CACNA1E: variants seen among roughly 807,000 people sequenced by gnomAD.
CACNA1E encodes calcium voltage-gated channel subunit alpha1 E.
A neutral mutation model predicts 259.2 loss-of-function variants in CACNA1E; 40 were observed. That is an observed-to-expected ratio of 0.15 (90% confidence interval 0.12 to 0.20). CACNA1E has a LOEUF of 0.20. Ranked by LOEUF, CACNA1E falls within the 10% of genes least tolerant of loss-of-function variation. The probability of loss-of-function intolerance (pLI) is 1.00; values close to 1 mark genes in which losing one functional copy is unlikely to be tolerated. For missense variants in CACNA1E, 1,874 were observed against 3,040.1 expected (o/e 0.62, Z 9.02); for synonymous variants, 1,104 against 1,138.5 (o/e 0.97, Z 0.61).
chr1:181,783,745 G>T lies in CACNA1E; in HGVS notation c.5431G>T (p.Ala1811Ser), dbSNP rs1660625333. Residue 1811 changes from alanine (A) to serine (S), a missense_variant, in exon 40 of 48, where the codon GCT becomes TCT. Physicochemically the swap from Ala to Ser is moderately conservative, Grantham distance 99. Coordinates refer to ENST00000367573, the MANE Select transcript of CACNA1E (RefSeq NM_001205293.3). ...MTVHFTSTLM[A>S]LIRTALDIKI... ...GGTCCACTTCACCTCCACACTTATG[G>T]CTCTGATCCGGACAGCTCTGGACAT... The T allele has an allele frequency of 6.2e-7, 1 of 1,612,218 alleles. No individual in the cohort carries two copies. The highest frequency in any genetic ancestry group is 1.3e-5 in the African/African-American group (1 of 74,284).
At chr1:181,493,374 T>A (rs1338100610) in intron 1 of CACNA1E, among the ~76,000 whole-genome samples, 1 of 152,146 alleles carries the variant, frequency 6.6e-6, no homozygotes, top group African/African-American at 2.4e-5. Context: ...ACACAAACAT[T>A]CTAACCAAAG....
intron 1 of CACNA1E, among the ~76,000 whole-genome samples, chr1:181,350,284 C>T (rs1338427651): frequency 2.0e-5 from 3 of 152,210 alleles, no homozygotes; most frequent in South Asian, 2.1e-4. Context: ...GTGGAGCCTT[C>T]GCGGAGGATG....
At chr1:181,338,164 C>A (rs1651863199) in intron 1 of CACNA1E, among the ~76,000 whole-genome samples, 1 of 152,194 alleles carries the variant, frequency 6.6e-6, no homozygotes, top group African/African-American at 2.4e-5. Context: ...TGGCTCACTG[C>A]AACCTCTGCC....
chr1:181,690,919 T>C (rs1270532787), intron 7 of CACNA1E, among the ~76,000 whole-genome samples: 1 of 152,072 alleles, frequency 6.6e-6, no homozygotes, highest in Non-Finnish European at 1.5e-5. Flanking sequence ...TTAAAGACTT[T>C]ATCTTGGTGT....
rs185619737 is a variant in CACNA1E at position 181,712,868 on chromosome 1, A to G, written c.1171+1799A>G. 5.1e-4 allele frequency among the ~76,000 whole-genome samples: 78 copies of G among 152,056 alleles called. 1 individual carries two copies. Among genetic ancestry groups the G allele is most frequent in the African/African-American group, 1.8e-3 (74 of 41,490 alleles). ...GAGCCCGCCCAGCCTTGGCCACCCC[A>G]CACAGGTCAGGTGGCAGGGTATGCT... On this transcript the variant is annotated intron_variant, in intron 8 of 47. Coordinates refer to ENST00000367573, the MANE Select transcript of CACNA1E (RefSeq NM_001205293.3).
At chr1:181,533,439 A>G (rs935209368) in intron 3 of CACNA1E, among the ~76,000 whole-genome samples, 1 of 150,614 alleles carries the variant, frequency 6.6e-6, no homozygotes, top group Non-Finnish European at 1.5e-5. Flanking sequence ...TGTATACCAA[A>G]TTCCCATATA....
At chr1:181,511,895 G>A (rs1666204491) in intron 3 of CACNA1E, among the ~76,000 whole-genome samples, 2 of 152,236 alleles carry the variant, frequency 1.3e-5, no homozygotes, top group African/African-American at 4.8e-5. Flanking sequence ...CCTCCAAGAC[G>A]GGCCAAAAGA....
At chr1:181,626,260 T>A (rs1306495291) in intron 6 of CACNA1E, among the ~76,000 whole-genome samples, 5 of 152,174 alleles carry the variant, frequency 3.3e-5, no homozygotes, top group Non-Finnish European at 7.3e-5. Flanking sequence ...GCATCCATAG[T>A]CTTATTAGAC....
chr1:181,621,015 A>T (rs1655673879), intron 6 of CACNA1E, among the ~76,000 whole-genome samples: 1 of 152,222 alleles, frequency 6.6e-6, no homozygotes. Context: ...AAGGAGATAG[A>T]GTTACATAAT....
chr1:181,494,801 A>G (rs928950792), intron 1 of CACNA1E, among the ~76,000 whole-genome samples: 2 of 152,204 alleles, frequency 1.3e-5, no homozygotes, highest in African/African-American at 2.4e-5. Flanking sequence ...CTGCAGATTT[A>G]TAAGCAAATA....
chr1:181,693,637 A>G (rs1031548970), intron 7 of CACNA1E, among the ~76,000 whole-genome samples: 1 of 152,162 alleles, frequency 6.6e-6, no homozygotes, highest in Non-Finnish European at 1.5e-5. Context: ...TGGCAACAAT[A>G]GACACTGGGT....
At chr1:181,610,364 G>C (rs577997430) in intron 6 of CACNA1E, among the ~76,000 whole-genome samples, 2 of 152,268 alleles carry the variant, frequency 1.3e-5, no homozygotes, top group East Asian at 3.9e-4. Flanking sequence ...TGGGTAATTG[G>C]ATGATCTACA....
chr1:181,782,845 C>A (rs1387752560), intron 39 of CACNA1E, among the ~76,000 whole-genome samples: 1 of 152,148 alleles, frequency 6.6e-6, no homozygotes, highest in African/African-American at 2.4e-5. Context: ...TGAATTTGTA[C>A]CTCTGGGATG....
At chr1:181,417,819 C>G (rs1391942540) in intron 2 of CACNA1E, among the ~76,000 whole-genome samples, 4 of 152,220 alleles carry the variant, frequency 2.6e-5, no homozygotes, top group Non-Finnish European at 2.9e-5. Context: ...TGTACAGGCT[C>G]CATCCACTGC....
intron 7 of CACNA1E, among the ~76,000 whole-genome samples, chr1:181,706,567 C>A (rs915206483): frequency 6.6e-5 from 10 of 152,150 alleles, no homozygotes; most frequent in African/African-American, 2.4e-4. Flanking sequence ...TTTAATAACC[C>A]AACACAGAGC....
chr1:181,746,165 C>A (rs1297641692), intron 25 of CACNA1E, among the ~76,000 whole-genome samples: 2 of 152,176 alleles, frequency 1.3e-5, no homozygotes, highest in African/African-American at 4.8e-5. Flanking sequence ...ATGGTAGCCG[C>A]TAAGCAGTGA....
chr1:181,640,571 G>T (rs1657656641), intron 6 of CACNA1E, among the ~76,000 whole-genome samples: 1 of 152,200 alleles, frequency 6.6e-6, no homozygotes. Flanking sequence ...GATGTTCAAT[G>T]ATAAATTAAT....
intron 36 of CACNA1E, 190 bp downstream of exon 36, chr1:181,771,574 C>A (rs1338433232): frequency 3.5e-6 from 2 of 567,788 alleles, no homozygotes; most frequent in Non-Finnish European, 6.3e-6. Context: ...TTGTCTACAG[C>A]CATACCACCA....
intron 6 of CACNA1E, among the ~76,000 whole-genome samples, chr1:181,605,145 G>C (rs989296962): frequency 6.6e-6 from 1 of 152,154 alleles, no homozygotes; most frequent in African/African-American, 2.4e-5. Flanking sequence ...ATACATTCAC[G>C]TGCTTAACTT....
Sources: gnomAD v4.1 joint callset for allele counts (sites outside exome capture counted in the v4.1 genomes callset) on GRCh38, gnomAD v4.1.1 for gene constraint, MANE v1.5 for transcripts, NCBI Gene and HGNC (gene_info 2026-07-23, HGNC 2026-07-21) for gene names.